CENPP: variants seen among roughly 807,000 people sequenced by gnomAD.
The protein encoded by CENPP is centromere protein P.
A neutral mutation model predicts 35.6 loss-of-function variants in CENPP; 24 were observed. The ratio of observed to expected loss-of-function variants is 0.67; its 90% CI spans 0.49 to 0.95. The LOEUF (loss-of-function observed/expected upper bound fraction) is 0.95, where lower values mean the gene tolerates loss of function less well. Among genes scored for constraint, CENPP ranks in the 40% least tolerant of loss-of-function variants. The probability of loss-of-function intolerance (pLI) is 0.00; values close to 1 mark genes in which losing one functional copy is unlikely to be tolerated. For missense variants in CENPP, 332 were observed against 345.3 expected (o/e 0.96, Z 0.31); for synonymous variants, 120 against 125.5 (o/e 0.96, Z 0.29).
Position 92,615,779 on chromosome 9 carries a change from A to C in CENPP, c.*2630A>C. 4 of 1,401,876 alleles carry C rather than the reference A, an allele frequency of 2.9e-6. No individual in the cohort carries two copies. Among genetic ancestry groups the C allele is most frequent in the Non-Finnish European group, 4.0e-6 (4 of 991,416 alleles). 86.8% of individuals were successfully genotyped at this position (1,401,876 alleles called of 1,614,324 possible). A position where few individuals can be genotyped will look rare whatever the true frequency, so the allele number is the denominator to read the frequency against. On this transcript the variant is annotated 3_prime_UTR_variant, in exon 8 of 8. Transcript: ENST00000375587. ...ACCCAACACAACAGAAAATATCTCT[A>C]TCATTCAGCCTTCACATTATGTTCA...
At chr9:92,429,251 T>A (rs1844043406) in intron 5 of CENPP, among the ~76,000 whole-genome samples, 1 of 152,226 alleles carries the variant, frequency 6.6e-6, no homozygotes, top group Admixed American at 6.5e-5. Context: ...CAATGGCCTC[T>A]GTACCAATTC....
chr9:92,385,529 A>G, intron 5 of CENPP: 1 of 1,083,466 alleles, frequency 9.2e-7, no homozygotes, highest in Non-Finnish European at 1.4e-6. Flanking sequence ...TACAAGGTTA[A>G]TATTAAACCA....
intron 5 of CENPP, among the ~76,000 whole-genome samples, chr9:92,529,082 A>G (rs1326385311): frequency 2.6e-5 from 4 of 152,246 alleles, no homozygotes; most frequent in Admixed American, 2.6e-4. Flanking sequence ...AGAGAGAAAA[A>G]ATACATGACA....
chr9:92,482,897 A>G (rs1315380323), intron 5 of CENPP, among the ~76,000 whole-genome samples: 2 of 151,830 alleles, frequency 1.3e-5, no homozygotes, highest in Admixed American at 1.3e-4. Context: ...TGCATTATGC[A>G]TACTTCTCCA....
At chr9:92,469,358 G>T (rs1051758996) in intron 5 of CENPP, among the ~76,000 whole-genome samples, 3 of 152,146 alleles carry the variant, frequency 2.0e-5, no homozygotes, top group African/African-American at 7.2e-5. Context: ...GGATTTTGTA[G>T]GGAGGCTTGA....
chr9:92,380,312 G>T (rs1842215239), intron 5 of CENPP, among the ~76,000 whole-genome samples: 1 of 152,274 alleles, frequency 6.6e-6, no homozygotes. Flanking sequence ...CCTGATATGG[G>T]TACTTTAAAG....
intron 5 of CENPP, among the ~76,000 whole-genome samples, chr9:92,437,838 C>A (rs1292232900): frequency 6.6e-6 from 1 of 152,128 alleles, no homozygotes; most frequent in African/African-American, 2.4e-5. Context: ...CAACTTACTG[C>A]AACTTTAACC....
intron 5 of CENPP, among the ~76,000 whole-genome samples, chr9:92,412,975 C>CTTTTTT (rs35323105): frequency 1.5e-4 from 7 of 45,264 alleles, no homozygotes; most frequent in South Asian, 7.6e-4. Flanking sequence ...TGTAACTAAG[C>CTTTTTT]TTTTTTTTTT....
chr9:92,491,395 G>T (rs1415116238), intron 5 of CENPP, among the ~76,000 whole-genome samples: 1 of 152,144 alleles, frequency 6.6e-6, no homozygotes, highest in Non-Finnish European at 1.5e-5. Flanking sequence ...TAAGGTGAAA[G>T]GCTCAAGTCA....
intron 5 of CENPP, among the ~76,000 whole-genome samples, chr9:92,486,169 C>T (rs1184047170): frequency 6.6e-6 from 1 of 152,030 alleles, no homozygotes; most frequent in African/African-American, 2.4e-5. Flanking sequence ...GGGAGTTAGC[C>T]GTGCCATGCA....
chr9:92,357,786 C>T (rs577111957), intron 4 of CENPP, among the ~76,000 whole-genome samples: 4 of 152,116 alleles, frequency 2.6e-5, no homozygotes, highest in Admixed American at 2.6e-4. Flanking sequence ...TGAGCCACCG[C>T]ACCCGGCCAC....
chr9:92,574,116 C>G (rs1047701716), intron 5 of CENPP, among the ~76,000 whole-genome samples: 4 of 152,112 alleles, frequency 2.6e-5, no homozygotes, highest in Admixed American at 1.3e-4. Flanking sequence ...GTGAGATGAA[C>G]CCGGTACCTC....
At chr9:92,526,837 G>C (rs1848445097) in intron 5 of CENPP, among the ~76,000 whole-genome samples, 1 of 152,054 alleles carries the variant, frequency 6.6e-6, no homozygotes, top group African/African-American at 2.4e-5. Flanking sequence ...AAAATTTACA[G>C]TAGTGTATAG....
intron 5 of CENPP, among the ~76,000 whole-genome samples, chr9:92,557,141 G>A (rs1008281905): frequency 1.3e-5 from 2 of 152,096 alleles, no homozygotes; most frequent in African/African-American, 4.8e-5. Context: ...TGTTTGAGGA[G>A]TAGGGTCCCA....
At chr9:92,329,551 T>C (rs982700102) in intron 1 of CENPP, among the ~76,000 whole-genome samples, 36 of 152,182 alleles carry the variant, frequency 2.4e-4, no homozygotes, top group Non-Finnish European at 4.8e-4. Flanking sequence ...GTTTTGTTTT[T>C]TGAGAGAGGG....
intron 5 of CENPP, among the ~76,000 whole-genome samples, chr9:92,506,353 T>G (rs889067169): frequency 6.6e-6 from 1 of 152,164 alleles, no homozygotes; most frequent in Non-Finnish European, 1.5e-5. Context: ...GCATTCAGAT[T>G]GAACTAGCAA....
intron 5 of CENPP, among the ~76,000 whole-genome samples, chr9:92,383,571 A>C (rs952680424): frequency 6.6e-6 from 1 of 152,146 alleles, no homozygotes; most frequent in Non-Finnish European, 1.5e-5. Flanking sequence ...GCATATTTTT[A>C]CTTTCTCTAA....
At chr9:92,442,957 A>G (rs1228593328) in intron 5 of CENPP, among the ~76,000 whole-genome samples, 2 of 152,182 alleles carry the variant, frequency 1.3e-5, no homozygotes, top group Non-Finnish European at 2.9e-5. Context: ...TGCCACTAAC[A>G]TAACATGAGG....
chr9:92,401,128 C>T, intron 5 of CENPP: 1 of 1,551,594 alleles, frequency 6.4e-7, no homozygotes, highest in East Asian at 2.3e-5. Context: ...GGTGTTATTG[C>T]CTCATCTTTT....
Sources: gnomAD v4.1 joint callset for allele counts (sites outside exome capture counted in the v4.1 genomes callset) on GRCh38, gnomAD v4.1.1 for gene constraint, MANE v1.5 for transcripts, NCBI Gene and HGNC (gene_info 2026-07-23, HGNC 2026-07-21) for gene names.